The following ADGRB3 variants were observed in gnomAD, a reference collection of about 807,000 sequenced individuals.
The protein encoded by ADGRB3 is brain-specific angiogenesis inhibitor 3.
In ADGRB3, 37 loss-of-function variants were observed where a neutral mutation model predicts 193.4. The ratio of observed to expected loss-of-function variants is 0.19; its 90% CI spans 0.15 to 0.25. The LOEUF is 0.25. Among genes scored for constraint, ADGRB3 ranks in the 10% least tolerant of loss-of-function variants. The pLI, the probability that ADGRB3 is intolerant of heterozygous loss-of-function variation, is 1.00. For missense variants in ADGRB3, 1,637 were observed against 1,852.9 expected, an observed-to-expected ratio of 0.88 and a Z score of 2.14; for synonymous variants, 690 against 644.2, an observed-to-expected ratio of 1.07 and a Z score of -1.08.
intron 17 of ADGRB3, among the ~76,000 whole-genome samples, chr6:69,134,714 T>G (rs999321783): frequency 3.3e-5 from 5 of 151,962 alleles, no homozygotes; most frequent in Admixed American, 3.3e-4. Flanking sequence ...TAGAGAACCT[T>G]AGGTGTGTGT....
chr6:68,967,718 A>G (rs1768424404), intron 8 of ADGRB3, among the ~76,000 whole-genome samples: 1 of 152,140 alleles, frequency 6.6e-6, no homozygotes, highest in African/African-American at 2.4e-5. Flanking sequence ...AAAAGAGAAA[A>G]ATAAATCAGC....
chr6:69,287,451 GA>G lies in ADGRB3; in HGVS notation c.2815-37413del, dbSNP rs547404414. 8.0e-4 allele frequency among the ~76,000 whole-genome samples: 121 copies of G among 151,106 alleles called. 1 individual carries two copies. The highest frequency in any genetic ancestry group is 2.6e-3 in the African/African-American group (109 of 41,216). ...GAAGGAATGATTGCAATGAGAAAAA[GA>G]AAAAAAACTGAATCTACATGTAACA... On this transcript the variant is annotated intron_variant, in intron 20 of 31. Transcript: ENST00000370598.
At chr6:69,139,181 G>T (rs1302320946) in intron 17 of ADGRB3, among the ~76,000 whole-genome samples, 1 of 152,178 alleles carries the variant, frequency 6.6e-6, no homozygotes, top group East Asian at 1.9e-4. Context: ...TACCGGGGCT[G>T]CCCTTTTAGC....
At chr6:69,204,372 C>A (rs1022119149) in intron 17 of ADGRB3, among the ~76,000 whole-genome samples, 3 of 152,100 alleles carry the variant, frequency 2.0e-5, no homozygotes, top group Non-Finnish European at 4.4e-5. Flanking sequence ...ACCTGAATAA[C>A]CATACAACAT....
Position 68,790,407 on chromosome 6 carries a change from A to T in ADGRB3, c.758-140152A>T, listed in dbSNP as rs546113603. Among the ~76,000 whole-genome samples, 6 of 152,310 alleles carry T rather than the reference A, an allele frequency of 3.9e-5. No individual in the cohort carries two copies. In the East Asian group the frequency reaches 9.7e-4, roughly 25 times the overall value. On this transcript the variant is annotated intron_variant, in intron 3 of 31. Coordinates refer to ENST00000370598, the MANE Select transcript of ADGRB3 (RefSeq NM_001704.3). ...AGACAGCACTAACCTCTGCAGACTT[A>T]AATGTCCCTCTCTGACAGCTTTGAA...
At chr6:68,918,403 C>T (rs1432293713) in intron 3 of ADGRB3, among the ~76,000 whole-genome samples, 1 of 152,096 alleles carries the variant, frequency 6.6e-6, no homozygotes. Context: ...TTAGTGTTCT[C>T]ATATTGTTCT....
intron 17 of ADGRB3, among the ~76,000 whole-genome samples, chr6:69,093,254 G>A (rs905833807): frequency 2.0e-5 from 3 of 151,482 alleles, no homozygotes; most frequent in Non-Finnish European, 2.9e-5. Flanking sequence ...GGGAATTGAG[G>A]TAGCCAGCCT....
chr6:69,177,047 C>T (rs545132326), intron 17 of ADGRB3, among the ~76,000 whole-genome samples: 41 of 152,178 alleles, frequency 2.7e-4, no homozygotes, highest in South Asian at 2.1e-3. Context: ...AGCAATCTGT[C>T]GATCTTGTTT....
chr6:68,770,538 C>T (rs1267201785), intron 3 of ADGRB3, among the ~76,000 whole-genome samples: 2 of 152,048 alleles, frequency 1.3e-5, no homozygotes, highest in African/African-American at 4.8e-5. Flanking sequence ...TTCTGTTACT[C>T]AAATGGGTTG....
intron 8 of ADGRB3, among the ~76,000 whole-genome samples, chr6:68,960,078 C>T (rs989908624): frequency 1.3e-5 from 2 of 152,160 alleles, no homozygotes; most frequent in South Asian, 2.1e-4. Context: ...ATTCTAGCTT[C>T]GTAGGAACCA....
chr6:68,973,212 C>A (rs555789925), intron 8 of ADGRB3, among the ~76,000 whole-genome samples: 1 of 143,964 alleles, frequency 6.9e-6, no homozygotes, highest in African/African-American at 2.4e-5. Flanking sequence ...ATTCTAGGAT[C>A]CAGTCCTGCT....
At chr6:68,721,641 T>C (rs1231978586) in intron 3 of ADGRB3, among the ~76,000 whole-genome samples, 1 of 146,590 alleles carries the variant, frequency 6.8e-6, no homozygotes, top group Non-Finnish European at 1.5e-5. Context: ...TATATATATA[T>C]ATATATATAT....
At chr6:68,902,879 A>T (rs543421601) in intron 3 of ADGRB3, among the ~76,000 whole-genome samples, 1 of 152,162 alleles carries the variant, frequency 6.6e-6, no homozygotes, top group Non-Finnish European at 1.5e-5. Context: ...ATAATTTTTA[A>T]ATTGATTAAT....
At chr6:69,267,551 A>G (rs970067180) in intron 20 of ADGRB3, among the ~76,000 whole-genome samples, 1 of 152,176 alleles carries the variant, frequency 6.6e-6, no homozygotes, top group African/African-American at 2.4e-5. Context: ...ACAAAGTAAT[A>G]TTAGCAGGCA....
intron 17 of ADGRB3, among the ~76,000 whole-genome samples, chr6:69,178,176 T>C (rs1366306431): frequency 6.6e-6 from 1 of 152,212 alleles, no homozygotes; most frequent in East Asian, 1.9e-4. Context: ...CCCTTTATCA[T>C]GATGTAATGC....
intron 17 of ADGRB3, among the ~76,000 whole-genome samples, chr6:69,184,904 A>C (rs998602709): frequency 1.3e-5 from 2 of 152,120 alleles, no homozygotes; most frequent in African/African-American, 2.4e-5. Context: ...GAAGATTTGA[A>C]TCATTTTCTT....
chr6:69,302,083 T>A (rs895829539), intron 20 of ADGRB3, among the ~76,000 whole-genome samples: 16 of 151,854 alleles, frequency 1.1e-4, no homozygotes, highest in African/African-American at 3.9e-4. Flanking sequence ...TTGGAGACCA[T>A]GAAAAAACTC....
At chr6:68,902,777 G>A (rs1397659124) in intron 3 of ADGRB3, among the ~76,000 whole-genome samples, 1 of 151,994 alleles carries the variant, frequency 6.6e-6, no homozygotes, top group East Asian at 1.9e-4. Flanking sequence ...CTTGACACTA[G>A]CACTGTTAAC....
chr6:69,376,890 A>G (rs901780828), intron 30 of ADGRB3, among the ~76,000 whole-genome samples: 3 of 152,048 alleles, frequency 2.0e-5, no homozygotes, highest in Non-Finnish European at 2.9e-5. Flanking sequence ...TACAGCAAGT[A>G]TACTCATGAT....
Sources: allele counts gnomAD v4.1 joint callset (sites outside exome capture counted in the v4.1 genomes callset), GRCh38; gene constraint gnomAD v4.1.1; transcripts MANE v1.5; gene names NCBI Gene and HGNC (gene_info 2026-07-23, HGNC 2026-07-21).